The following RBFOX1 variants were observed in gnomAD, a reference collection of about 807,000 sequenced individuals.
RBFOX1 encodes the protein RNA binding protein fox-1 homolog 1.
In RBFOX1, 8 loss-of-function variants were observed where a neutral mutation model predicts 57.7. The ratio of observed to expected loss-of-function variants is 0.14; its 90% CI spans 0.08 to 0.25. RBFOX1 has a LOEUF of 0.25. Among genes scored for constraint, RBFOX1 ranks in the 10% least tolerant of loss-of-function variants. RBFOX1 has a pLI of 1.00. For synonymous variants in RBFOX1, 326 were observed against 222.4 expected (o/e 1.47, Z -4.15); for missense variants, 611 against 548.5 (o/e 1.11, Z -1.14).
chr16:6,781,874 T>TGTATTTTCTCTCAATTTC, intron 3 of RBFOX1, among the ~76,000 whole-genome samples: 1 of 152,300 alleles, frequency 6.6e-6, no homozygotes, highest in Middle Eastern at 3.4e-3. Context: ...GTTTTTATTT[T>TGTATTTTCTCTCAATTTC]GTATTTTCTC....
chr16:5,255,354 C>CTCCATCCATCCCTCCATCCATCCATCCA, intron 1 of RBFOX1, among the ~76,000 whole-genome samples: 1 of 86,256 alleles, frequency 1.2e-5, no homozygotes, highest in Non-Finnish European at 2.8e-5. Context: ...CCATCCATCC[C>CTCCATCCATCCCTCCATCCATCCATCCA]TCCATCCATC....
intron 2 of RBFOX1, among the ~76,000 whole-genome samples, chr16:5,577,104 GTC>G (rs1483301183): frequency 6.6e-6 from 1 of 152,192 alleles, no homozygotes; most frequent in Non-Finnish European, 1.5e-5. Flanking sequence ...TTCCAAGTTG[GTC>G]TCTCTCTCTT....
At chr16:7,131,764 A>C (rs2070478463) in intron 4 of RBFOX1, among the ~76,000 whole-genome samples, 1 of 152,010 alleles carries the variant, frequency 6.6e-6, no homozygotes, top group Admixed American at 6.6e-5. Flanking sequence ...AGGTTCTCTG[A>C]AGGAGCTTGA....
chr16:5,484,645 G>T (rs1396193800), intron 2 of RBFOX1, among the ~76,000 whole-genome samples: 1 of 152,162 alleles, frequency 6.6e-6, no homozygotes, highest in African/African-American at 2.4e-5. Context: ...GGGTGTGGTG[G>T]CTCACACCTG....
chr16:6,234,096 T>C (rs1228276541), intron 1 of RBFOX1, among the ~76,000 whole-genome samples: 1 of 152,138 alleles, frequency 6.6e-6, no homozygotes, highest in African/African-American at 2.4e-5. Flanking sequence ...TATAAGAGCA[T>C]TCATCCCACT....
intron 2 of RBFOX1, among the ~76,000 whole-genome samples, chr16:6,353,689 A>G (rs1397640524): frequency 6.6e-6 from 1 of 152,092 alleles, no homozygotes; most frequent in East Asian, 1.9e-4. Context: ...TGTTCCCTGT[A>G]GTGTCACTTG....
At chr16:5,496,777 C>G (rs561684699) in intron 2 of RBFOX1, among the ~76,000 whole-genome samples, 3 of 152,138 alleles carry the variant, frequency 2.0e-5, no homozygotes, top group Non-Finnish European at 4.4e-5. Flanking sequence ...ATCCCTGTGT[C>G]GAGATCCATT....
intron 3 of RBFOX1, among the ~76,000 whole-genome samples, chr16:6,975,044 C>G (rs1363122177): frequency 6.6e-6 from 1 of 152,004 alleles, no homozygotes; most frequent in Non-Finnish European, 1.5e-5. Context: ...TTCTTTTGAT[C>G]CAATTGTTTA....
chr16:7,458,941 G>T (rs1252718540), intron 4 of RBFOX1, among the ~76,000 whole-genome samples: 1 of 152,208 alleles, frequency 6.6e-6, no homozygotes, highest in African/African-American at 2.4e-5. Flanking sequence ...TGTTTTGTTT[G>T]TTGCTATATC....
At chr16:6,487,742 T>G (rs1172527749) in intron 2 of RBFOX1, among the ~76,000 whole-genome samples, 1 of 67,836 alleles carries the variant, frequency 1.5e-5, no homozygotes, top group Admixed American at 1.5e-4. Flanking sequence ...TATATATATA[T>G]ATATATATAT....
At chr16:7,297,904 C>T (rs965443155) in intron 4 of RBFOX1, among the ~76,000 whole-genome samples, 2 of 151,970 alleles carry the variant, frequency 1.3e-5, no homozygotes, top group Admixed American at 6.6e-5. Context: ...CTTTTGTATG[C>T]ACTTCACATG....
At chr16:6,222,226 C>G (rs1442829397) in intron 1 of RBFOX1, among the ~76,000 whole-genome samples, 1 of 152,108 alleles carries the variant, frequency 6.6e-6, no homozygotes, top group African/African-American at 2.4e-5. Flanking sequence ...TCTCGTGGGT[C>G]TTTGGTATTC....
chr16:5,549,549 T>C (rs749052042), intron 2 of RBFOX1, among the ~76,000 whole-genome samples: 8 of 152,212 alleles, frequency 5.3e-5, no homozygotes, highest in Non-Finnish European at 1.0e-4. Context: ...GTCAGTTCTG[T>C]GATAGCGTGA....
chr16:7,048,951 G>T (rs527669839), intron 3 of RBFOX1, among the ~76,000 whole-genome samples: 5 of 152,224 alleles, frequency 3.3e-5, no homozygotes, highest in South Asian at 2.1e-4. Context: ...TATCAGTTCT[G>T]TTGGGTGTCT....
chr16:6,148,524 AC>A (rs2096775402), intron 1 of RBFOX1, among the ~76,000 whole-genome samples: 2 of 152,088 alleles, frequency 1.3e-5, no homozygotes, highest in Non-Finnish European at 2.9e-5. Context: ...GAATCTCACC[AC>A]CCTCAAGGCA....
At chr16:6,914,974 A>G (rs1055363232) in intron 3 of RBFOX1, among the ~76,000 whole-genome samples, 1 of 152,230 alleles carries the variant, frequency 6.6e-6, no homozygotes, top group Non-Finnish European at 1.5e-5. Context: ...GCGTACTATT[A>G]TTATTACAGC....
intron 1 of RBFOX1, among the ~76,000 whole-genome samples, chr16:5,298,077 C>A (rs188450304): frequency 6.6e-6 from 1 of 152,036 alleles, no homozygotes; most frequent in East Asian, 1.9e-4. Context: ...TGGGAAGAAA[C>A]GTATTTAAGT....
chr16:6,421,681 A>G (rs1380329223), intron 2 of RBFOX1, among the ~76,000 whole-genome samples: 2 of 152,174 alleles, frequency 1.3e-5, no homozygotes, highest in Non-Finnish European at 2.9e-5. Flanking sequence ...TTTAGATCAC[A>G]CACACAAAAA....
intron 3 of RBFOX1, among the ~76,000 whole-genome samples, chr16:7,039,099 A>C (rs1354957282): frequency 6.6e-6 from 1 of 152,292 alleles, no homozygotes; most frequent in South Asian, 2.1e-4. Flanking sequence ...AGCACCCCAT[A>C]GGTCATTCGA....
Sources: allele counts gnomAD v4.1 joint callset (sites outside exome capture counted in the v4.1 genomes callset), GRCh38; gene constraint gnomAD v4.1.1; transcripts MANE v1.5; gene names NCBI Gene and HGNC (gene_info 2026-07-23, HGNC 2026-07-21).